ABTB3: variants seen among roughly 807,000 people sequenced by gnomAD.
The protein encoded by ABTB3 is ankyrin repeat- and BTB/POZ domain-containing protein 3.
chr12:107,427,283 A>ATTTT, the ABTB3 span, among the ~76,000 whole-genome samples: 1 of 140,566 alleles, frequency 7.1e-6, no homozygotes. Flanking sequence ...CTGTGTCCCT[A>ATTTT]TTTTTTTTTT....
chr12:107,432,556 A>T, the ABTB3 span, among the ~76,000 whole-genome samples: 2 of 152,188 alleles, frequency 1.3e-5, no homozygotes, highest in Non-Finnish European at 2.9e-5. Context: ...ACAAATATTT[A>T]TGGTGGTGCC....
At chr12:107,523,981 C>T in the ABTB3 span, among the ~76,000 whole-genome samples, 6 of 152,346 alleles carry the variant, frequency 3.9e-5, no homozygotes, top group Middle Eastern at 3.4e-3. Context: ...CAGCCTCCAG[C>T]ACCTGGACTG....
At chr12:107,398,875 G>A in the ABTB3 span, among the ~76,000 whole-genome samples, 1 of 152,198 alleles carries the variant, frequency 6.6e-6, no homozygotes, top group Non-Finnish European at 1.5e-5. Flanking sequence ...AAACCAGTAA[G>A]AGTGCTGGAC....
chr12:107,533,080 T>G, the ABTB3 span, among the ~76,000 whole-genome samples: 8 of 151,860 alleles, frequency 5.3e-5, no homozygotes, highest in African/African-American at 1.7e-4. Context: ...AAAAAACACA[T>G]GAATGTATAA....
chr12:107,510,631 A>G, the ABTB3 span, among the ~76,000 whole-genome samples: 2 of 152,124 alleles, frequency 1.3e-5, no homozygotes, highest in African/African-American at 4.8e-5. Flanking sequence ...GGTTTCTCTG[A>G]TGGCTCGGCA....
the ABTB3 span, chr12:107,319,310 C>T: frequency 6.0e-3 from 9,246 of 1,544,910 alleles, 48 homozygotes; most frequent in Non-Finnish European, 6.3e-3. Context: ...CCCCGGCGGC[C>T]TGCCCAAGGA....
the ABTB3 span, among the ~76,000 whole-genome samples, chr12:107,523,921 T>C: frequency 6.6e-6 from 1 of 152,190 alleles, no homozygotes; most frequent in African/African-American, 2.4e-5. Context: ...CCACACACAC[T>C]GTCCCTAAGG....
chr12:107,469,956 CTTTCTTTCTTTCTTTCTTTCTT>C, the ABTB3 span, among the ~76,000 whole-genome samples: 5 of 67,148 alleles, frequency 7.4e-5, no homozygotes, highest in African/African-American at 1.9e-4. Flanking sequence ...TTCTTTCTTT[CTTTCTTTCTTTCTTTCTTTCTT>C]TCTTTCTTTC....
At chr12:107,548,891 A>T in the ABTB3 span, among the ~76,000 whole-genome samples, 1 of 152,156 alleles carries the variant, frequency 6.6e-6, no homozygotes, top group Non-Finnish European at 1.5e-5. Context: ...TTACCACAAG[A>T]TGAAAAAAAT....
the ABTB3 span, among the ~76,000 whole-genome samples, chr12:107,475,304 G>A: frequency 6.6e-6 from 1 of 152,168 alleles, no homozygotes; most frequent in African/African-American, 2.4e-5. Context: ...TGCCCCTGTG[G>A]AGTGGGAATA....
chr12:107,513,011 G>A, the ABTB3 span, among the ~76,000 whole-genome samples: 1 of 152,114 alleles, frequency 6.6e-6, no homozygotes, highest in Non-Finnish European at 1.5e-5. Context: ...TGTCAACCCC[G>A]AGCCTTTGCT....
the ABTB3 span, among the ~76,000 whole-genome samples, chr12:107,655,256 A>AATATGTATATATATAT: frequency 6.7e-6 from 1 of 148,766 alleles, no homozygotes; most frequent in African/African-American, 2.5e-5. Flanking sequence ...GCCTCTTTCA[A>AATATGTATATATATAT]ATATATATAT....
the ABTB3 span, among the ~76,000 whole-genome samples, chr12:107,541,615 T>C: frequency 2.6e-5 from 4 of 152,250 alleles, no homozygotes; most frequent in Admixed American, 6.5e-5. Flanking sequence ...AGAACTTCAG[T>C]CTTTTCTCTT....
chr12:107,363,791 A>G, the ABTB3 span, among the ~76,000 whole-genome samples: 3 of 152,210 alleles, frequency 2.0e-5, no homozygotes, highest in Non-Finnish European at 2.9e-5. Flanking sequence ...AAATTGGAAG[A>G]CCTACATATT....
At chr12:107,604,481 G>A in the ABTB3 span, among the ~76,000 whole-genome samples, 2 of 152,106 alleles carry the variant, frequency 1.3e-5, no homozygotes, top group African/African-American at 4.8e-5. Context: ...TTTCTCAAAA[G>A]AAGACATATA....
chr12:107,344,412 C>T, the ABTB3 span, among the ~76,000 whole-genome samples: 2 of 152,184 alleles, frequency 1.3e-5, no homozygotes, highest in African/African-American at 2.4e-5. Context: ...TAGTACTTAT[C>T]GTAGCTAGTT....
chr12:107,426,885 C>A, the ABTB3 span, among the ~76,000 whole-genome samples: 3 of 152,178 alleles, frequency 2.0e-5, no homozygotes, highest in African/African-American at 7.2e-5. Context: ...ACTGCTACTG[C>A]CTTCCCTTGA....
the ABTB3 span, chr12:107,520,586 C>A: frequency 6.2e-7 from 1 of 1,614,224 alleles, no homozygotes; most frequent in African/African-American, 1.3e-5. Flanking sequence ...GAGCTGAGGA[C>A]CATCGAGCAG....
At chr12:107,381,281 C>G in the ABTB3 span, among the ~76,000 whole-genome samples, 1 of 152,214 alleles carries the variant, frequency 6.6e-6, no homozygotes, top group Non-Finnish European at 1.5e-5. Context: ...GGGGCATGTG[C>G]TAAATACTTG....
Sources: gnomAD v4.1 joint callset for allele counts (sites outside exome capture counted in the v4.1 genomes callset) on GRCh38, gnomAD v4.1.1 for gene constraint, MANE v1.5 for transcripts, NCBI Gene and HGNC (gene_info 2026-07-23, HGNC 2026-07-21) for gene names.